UBR2: variants seen among roughly 807,000 people sequenced by gnomAD.
The protein encoded by UBR2 is E3 ubiquitin-protein ligase UBR2.
In UBR2, 92 loss-of-function variants were observed where a neutral mutation model predicts 247.9. The observed-to-expected ratio is 0.37, with a 90% confidence interval of 0.31 to 0.44. The LOEUF (loss-of-function observed/expected upper bound fraction) is 0.44, where lower values mean the gene tolerates loss of function less well. Ranked by LOEUF, UBR2 falls within the 20% of genes least tolerant of loss-of-function variation. The pLI is 1.00. For synonymous variants in UBR2, 672 were observed against 693.5 expected, an observed-to-expected ratio of 0.97 and a Z score of 0.49; for missense variants, 1,613 against 2,112.6, an observed-to-expected ratio of 0.76 and a Z score of 4.64.
chr6:42,564,773 C>T (rs62414599), intron 1 of UBR2, among the ~76,000 whole-genome samples: 9,219 of 152,238 alleles, frequency 0.061, 404 homozygotes, highest in South Asian at 0.084. Flanking sequence ...TATAATCGCC[C>T]TAGTTTATCT....
intron 28 of UBR2, 36 bp downstream of exon 28, chr6:42,658,356 T>C: frequency 1.9e-6 from 3 of 1,562,120 alleles, no homozygotes; most frequent in Non-Finnish European, 2.6e-6. Context: ...TACTAAAAAA[T>C]TACAGCAAGT....
At chr6:42,690,890 A>G (rs907013980) in intron 46 of UBR2, 142 bp from the exon 47 acceptor site, 2 of 1,024,740 alleles carry the variant, frequency 2.0e-6, no homozygotes, top group Non-Finnish European at 2.8e-6. Flanking sequence ...TTTTGTTAAT[A>G]GCCACAGTCA....
intron 11 of UBR2, among the ~76,000 whole-genome samples, chr6:42,623,044 C>T (rs893896956): frequency 3.3e-5 from 5 of 151,938 alleles, no homozygotes; most frequent in Non-Finnish European, 7.4e-5. Context: ...AGTTTTAGTT[C>T]TTATTTTGAA....
chr6:42,663,090 C>G (rs1482256112), intron 31 of UBR2, among the ~76,000 whole-genome samples, 168 bp from the exon 32 acceptor site: 1 of 151,380 alleles, frequency 6.6e-6, no homozygotes, highest in East Asian at 1.9e-4. Flanking sequence ...AACTTTTAAT[C>G]CATTTGGATT....
intron 33 of UBR2, 130 bp downstream of exon 33, chr6:42,665,642 T>C: frequency 1.4e-6 from 1 of 689,894 alleles, no homozygotes; most frequent in East Asian, 2.7e-5. Flanking sequence ...TTTCCTTGTC[T>C]TAATAAACTA....
intron 15 of UBR2, 123 bp downstream of exon 15, chr6:42,637,317 T>C: frequency 9.2e-7 from 1 of 1,090,834 alleles, no homozygotes; most frequent in Non-Finnish European, 1.3e-6. Flanking sequence ...CATTAACTTA[T>C]CCAATCATCA....
At chr6:42,588,885 A>G (rs935883178) in intron 2 of UBR2, among the ~76,000 whole-genome samples, 4 of 152,172 alleles carry the variant, frequency 2.6e-5, no homozygotes, top group African/African-American at 9.7e-5. Context: ...AAGTGATGTT[A>G]GCTGTAGGTT....
At chr6:42,686,824 G>T (rs554410040) in intron 44 of UBR2, among the ~76,000 whole-genome samples, 2 of 149,872 alleles carry the variant, frequency 1.3e-5, no homozygotes, top group African/African-American at 2.5e-5. Context: ...GCTGCCGGGC[G>T]GAGGGGCTCC....
intron 4 of UBR2, among the ~76,000 whole-genome samples, chr6:42,595,525 C>T (rs1792911556): frequency 6.6e-6 from 1 of 152,062 alleles, no homozygotes; most frequent in Non-Finnish European, 1.5e-5. Context: ...GCGGGTGGAT[C>T]ACTTTAACCC....
At chr6:42,586,449 T>A (rs12196856) in intron 2 of UBR2, among the ~76,000 whole-genome samples, 33,681 of 151,754 alleles carry the variant, frequency 0.22, 3,803 homozygotes, top group African/African-American at 0.27. Flanking sequence ...ATTTTGCAGT[T>A]GTTGGATGTA....
intron 1 of UBR2, among the ~76,000 whole-genome samples, chr6:42,570,985 G>A (rs1354239793): frequency 6.6e-6 from 1 of 150,828 alleles, no homozygotes; most frequent in Non-Finnish European, 1.5e-5. Flanking sequence ...GAGCCTGGCC[G>A]ATTTTTTTTT....
In UBR2 at chr6:42,650,805, G is replaced by T. The variant is rs977288904; in HGVS notation, c.2565+419G>T. Among the ~76,000 whole-genome samples the T allele has an allele frequency of 3.3e-5, 5 of 152,012 alleles. No homozygotes were observed. The East Asian group carries it at 9.6e-4, about 29-fold the overall frequency. Reference sequence around the variant, plus strand: ...ATAATACATACCTTTACGTATATGGGTATAGTTTTTTAAAACAAATTTTCA... The same window carrying T: ...ATAATACATACCTTTACGTATATGGTTATAGTTTTTTAAAACAAATTTTCA... On this transcript the variant is annotated intron_variant, in intron 23 of 46. Coordinates refer to ENST00000372901, the MANE Select transcript of UBR2 (RefSeq NM_001363705.2).
chr6:42,642,268 A>G (rs1796493716), intron 17 of UBR2, 148 bp from the exon 18 acceptor site: 2 of 624,534 alleles, frequency 3.2e-6, no homozygotes, highest in African/African-American at 3.7e-5. Context: ...GTAATTAATT[A>G]ATCTTTACTA....
chr6:42,606,962 G>T (rs1422194288), intron 7 of UBR2, among the ~76,000 whole-genome samples: 1 of 151,804 alleles, frequency 6.6e-6, no homozygotes, highest in African/African-American at 2.4e-5. Flanking sequence ...AATTTAAATG[G>T]CCTTAAGCAC....
At chr6:42,636,927 C>A in intron 14 of UBR2, 84 bp from the exon 15 acceptor site, 1 of 1,433,566 alleles carries the variant, frequency 7.0e-7, no homozygotes, top group Non-Finnish European at 9.5e-7. Flanking sequence ...ATTTGAGGTA[C>A]TTACTCACTG....
intron 40 of UBR2, among the ~76,000 whole-genome samples, chr6:42,678,327 C>G (rs1798837899): frequency 6.6e-6 from 1 of 152,234 alleles, no homozygotes; most frequent in Admixed American, 6.5e-5. Flanking sequence ...CAGAGCGAGA[C>G]TCCGTCTCAA....
intron 40 of UBR2, 127 bp downstream of exon 40, chr6:42,677,000 G>A: frequency 5.4e-6 from 4 of 734,106 alleles, no homozygotes; most frequent in Non-Finnish European, 9.2e-6. Context: ...AATAAGACGT[G>A]GAGTGATCTG....
In UBR2 at chr6:42,691,469, T is replaced by C. The variant is rs533356868; in HGVS notation, c.*296T>C. 5.4e-6 allele frequency: 2 copies of C among 368,466 alleles called. No individual in the cohort carries two copies. Among genetic ancestry groups the C allele is most frequent in the South Asian group, 2.7e-5 (1 of 37,732 alleles). The allele number at this position is 368,466 out of a possible 1,614,324, so 22.8% of individuals were successfully genotyped here. A position where few individuals can be genotyped will look rare whatever the true frequency, so the allele number is the denominator to read the frequency against. ...GGGTCTGACTGCATAGTCCCAGCCA[T>C]TATGTGATATTTCACGTTATTGATG... On this transcript the variant is annotated 3_prime_UTR_variant, in exon 47 of 47. Transcript: ENST00000372901.
In UBR2 at chr6:42,679,804, A is replaced by G. The variant is rs373338945; in HGVS notation, c.4690A>G (p.Ser1564Gly). Residue 1564 changes from serine (S) to glycine (G), a missense_variant, in exon 42 of 47, where the codon AGT (serine) becomes GGT (glycine). Physicochemically the swap from Ser to Gly is moderately conservative, Grantham distance 56 (BLOSUM62 0). Transcript: ENST00000372901. ...NNLICLFQEN[S>G]EIMNSLIESW... is the part of the protein sequence containing the mutation. ...CCTCATTTGCCTTTTTCAAGAAAATAGTGAGATAATGAATTCACTGATTGA... is the reference window on the plus strand; with the variant it reads ...CCTCATTTGCCTTTTTCAAGAAAATGGTGAGATAATGAATTCACTGATTGA... 5 of 1,611,328 alleles carry G rather than the reference A, an allele frequency of 3.1e-6. No individual in the cohort carries two copies. The highest frequency in any genetic ancestry group is 4.2e-6 in the Non-Finnish European group (5 of 1,177,886).
Sources: gnomAD v4.1 joint callset for allele counts (sites outside exome capture counted in the v4.1 genomes callset) on GRCh38, gnomAD v4.1.1 for gene constraint, MANE v1.5 for transcripts, NCBI Gene and HGNC (gene_info 2026-07-23, HGNC 2026-07-21) for gene names.